Variants in SLC16A7 observed in about 807,000 individuals in gnomAD.
SLC16A7 encodes solute carrier family 16 member 7, also known as monocarboxylate transporter 2.
SLC16A7 carries 33 observed loss-of-function variants against 34.9 expected under a neutral mutation model. The observed-to-expected ratio is 0.94, with a 90% CI of 0.72 to 1.26. SLC16A7 has a LOEUF of 1.26. Among genes scored for constraint, SLC16A7 ranks in the 50% most tolerant of loss-of-function variants. The pLI, the probability that SLC16A7 is intolerant of heterozygous loss-of-function variation, is 0.00. For synonymous variants in SLC16A7, 201 were observed against 206.6 expected, an observed-to-expected ratio of 0.97 and a Z score of 0.23; for missense variants, 573 against 578.1, an observed-to-expected ratio of 0.99 and a Z score of 0.09.
chr12:59,748,015 C>A (rs552970285), intron 3 of SLC16A7, among the ~76,000 whole-genome samples: 2 of 152,128 alleles, frequency 1.3e-5, no homozygotes, highest in South Asian at 2.1e-4. Context: ...CCAGCCTGGC[C>A]AATATGGTGA....
chr12:59,705,175 A>G (rs1459131205), intron 3 of SLC16A7, among the ~76,000 whole-genome samples, 157 bp downstream of exon 3: 1 of 152,170 alleles, frequency 6.6e-6, no homozygotes, highest in Non-Finnish European at 1.5e-5. Flanking sequence ...AATTTCAATG[A>G]TTTTAGTGAT....
In SLC16A7 at chr12:59,713,310, G is replaced by A. The variant is rs577858502; in HGVS notation, c.217+8292G>A. 9.9e-5 allele frequency among the ~76,000 whole-genome samples: 15 copies of A among 152,106 alleles called. No homozygotes were observed. The South Asian group carries it at 2.7e-3, about 27-fold the overall frequency. On this transcript the variant is annotated intron_variant, in intron 3 of 5. Transcript: ENST00000547379. Reference sequence around the variant, plus strand: ...GCTGAGATTACAGGCATGAGCCACCGCACCCAGCTGAATGTTTCCTTTAAA... The same window carrying A: ...GCTGAGATTACAGGCATGAGCCACCACACCCAGCTGAATGTTTCCTTTAAA...
At chr12:59,690,211 A>T (rs752115534) in intron 2 of SLC16A7, among the ~76,000 whole-genome samples, 11 of 152,036 alleles carry the variant, frequency 7.2e-5, no homozygotes, top group Non-Finnish European at 1.5e-4. Flanking sequence ...TAAAACTCTC[A>T]GATAAATTTT....
At chr12:59,735,449 A>C (rs2137259453) in intron 3 of SLC16A7, among the ~76,000 whole-genome samples, 1 of 152,286 alleles carries the variant, frequency 6.6e-6, no homozygotes, top group South Asian at 2.1e-4. Context: ...TTTATTTTGA[A>C]TTTATGATGC....
intron 2 of SLC16A7, among the ~76,000 whole-genome samples, chr12:59,658,856 A>C (rs1868673795): frequency 6.6e-6 from 1 of 152,102 alleles, no homozygotes; most frequent in African/African-American, 2.4e-5. Context: ...TCCATTTATA[A>C]CATGGTTCAG....
intron 3 of SLC16A7, among the ~76,000 whole-genome samples, chr12:59,765,637 A>T (rs184085399): frequency 6.6e-6 from 1 of 152,232 alleles, no homozygotes; most frequent in East Asian, 1.9e-4. Context: ...AAGATCAGAT[A>T]GTTGTAGATA....
At chr12:59,648,403 T>G (rs571378695) in intron 1 of SLC16A7, among the ~76,000 whole-genome samples, 31 of 152,310 alleles carry the variant, frequency 2.0e-4, no homozygotes, top group Non-Finnish European at 3.5e-4. Flanking sequence ...ATGATATTAA[T>G]ATTTATTGAG....
intron 1 of SLC16A7, among the ~76,000 whole-genome samples, chr12:59,637,795 A>C (rs1880499689): frequency 6.6e-6 from 1 of 152,120 alleles, no homozygotes; most frequent in Non-Finnish European, 1.5e-5. Context: ...ATTAGGTCAT[A>C]AGGGCTCTGC....
Position 59,763,291 on chromosome 12 carries a change from G to T in SLC16A7, c.218-7928G>T, listed in dbSNP as rs2365313. On this transcript the variant is annotated intron_variant, in intron 3 of 5. Transcript: ENST00000547379. Reference sequence around the variant, plus strand: ...AATTGAGGTACGTGCTGAGTAACTTGTTCACATAATAAAGTAGATGACAGT... The same window carrying T: ...AATTGAGGTACGTGCTGAGTAACTTTTTCACATAATAAAGTAGATGACAGT... Among the ~76,000 whole-genome samples, 547 of 152,064 alleles carry T rather than the reference G, an allele frequency of 3.6e-3. 4 individuals are homozygous for T. Among genetic ancestry groups the T allele is most frequent in the African/African-American group, 0.012 (513 of 41,506 alleles).
intron 5 of SLC16A7, among the ~76,000 whole-genome samples, chr12:59,775,822 G>A (rs150384217): frequency 0.01 from 1,541 of 152,112 alleles, 21 homozygotes; most frequent in Non-Finnish European, 0.014. Flanking sequence ...CAGATCTCTC[G>A]TCTGTTTATA....
At chr12:59,663,657 T>G (rs1868975546) in intron 2 of SLC16A7, among the ~76,000 whole-genome samples, 1 of 152,100 alleles carries the variant, frequency 6.6e-6, no homozygotes, top group Non-Finnish European at 1.5e-5. Flanking sequence ...TAGTATAATT[T>G]TTTCACTGTA....
intron 3 of SLC16A7, among the ~76,000 whole-genome samples, chr12:59,751,655 A>C: frequency 6.6e-6 from 1 of 152,226 alleles, no homozygotes; most frequent in East Asian, 1.9e-4. Flanking sequence ...CTGCCTCTGT[A>C]GGCTCCACCT....
At chr12:59,615,069 C>G (rs1486690365) in intron 1 of SLC16A7, among the ~76,000 whole-genome samples, 3 of 151,872 alleles carry the variant, frequency 2.0e-5, no homozygotes, top group Non-Finnish European at 2.9e-5. Context: ...ATTTGGGCCT[C>G]TTGCTCTTCT....
At chr12:59,777,759 C>T (rs913807199) in intron 5 of SLC16A7, among the ~76,000 whole-genome samples, 16 of 150,706 alleles carry the variant, frequency 1.1e-4, no homozygotes, top group East Asian at 5.9e-4. Flanking sequence ...CCCATTAACT[C>T]GTCATTTAGC....
At chr12:59,756,302 C>T (rs1346948617) in intron 3 of SLC16A7, among the ~76,000 whole-genome samples, 1 of 152,138 alleles carries the variant, frequency 6.6e-6, no homozygotes, top group Non-Finnish European at 1.5e-5. Flanking sequence ...AACAAACTAC[C>T]ATCAGAGTGA....
intron 1 of SLC16A7, among the ~76,000 whole-genome samples, chr12:59,637,683 A>C (rs1880494504): frequency 6.6e-6 from 1 of 152,104 alleles, no homozygotes; most frequent in South Asian, 2.1e-4. Context: ...CGTCTGTTTT[A>C]TGTTTACGTT....
intron 3 of SLC16A7, among the ~76,000 whole-genome samples, chr12:59,709,511 A>G (rs1873974606): frequency 6.6e-6 from 1 of 151,556 alleles, no homozygotes; most frequent in Non-Finnish European, 1.5e-5. Flanking sequence ...ATTATTCTAC[A>G]TTGTGCCCTA....
intron 4 of SLC16A7, among the ~76,000 whole-genome samples, chr12:59,774,240 C>T (rs927520829): frequency 6.6e-6 from 1 of 152,030 alleles, no homozygotes; most frequent in Non-Finnish European, 1.5e-5. Context: ...GGAAAGTATT[C>T]ATTTTTATAT....
intron 3 of SLC16A7, among the ~76,000 whole-genome samples, chr12:59,749,092 T>C (rs1879214148): frequency 6.6e-6 from 1 of 152,008 alleles, no homozygotes; most frequent in African/African-American, 2.4e-5. Flanking sequence ...AGTACACTAG[T>C]TTGGGGAAAA....
Sources: gnomAD v4.1 joint callset for allele counts (sites outside exome capture counted in the v4.1 genomes callset) on GRCh38, gnomAD v4.1.1 for gene constraint, MANE v1.5 for transcripts, NCBI Gene and HGNC (gene_info 2026-07-23, HGNC 2026-07-21) for gene names.